Variants in RALGAPB observed in about 807,000 individuals in gnomAD.
RALGAPB encodes ral GTPase-activating protein subunit beta.
A neutral mutation model predicts 161.1 loss-of-function variants in RALGAPB; 25 were observed. The observed-to-expected ratio is 0.16, with a 90% CI of 0.11 to 0.22. The LOEUF is 0.22. Ranked by LOEUF, RALGAPB falls within the 10% of genes least tolerant of loss-of-function variation. RALGAPB has a pLI of 1.00. For missense variants in RALGAPB, 1,391 were observed against 1,815.2 expected, an observed-to-expected ratio of 0.77 and a Z score of 4.25; for synonymous variants, 629 against 626.1, an observed-to-expected ratio of 1.00 and a Z score of -0.07.
At chr20:38,477,843 A>G (rs2084852871) in intron 1 of RALGAPB, among the ~76,000 whole-genome samples, 1 of 152,156 alleles carries the variant, frequency 6.6e-6, no homozygotes. Flanking sequence ...ATGCCAGGTC[A>G]CCGAGTGCGG....
At chr20:38,553,031 A>G (rs2087431904) in intron 21 of RALGAPB, among the ~76,000 whole-genome samples, 1 of 152,142 alleles carries the variant, frequency 6.6e-6, no homozygotes, top group African/African-American at 2.4e-5. Flanking sequence ...GTGGGAAAGC[A>G]GGGGGAGGGA....
chr20:38,472,904 G>A lies in RALGAPB; in HGVS notation c.-196G>A. Reference sequence around the variant, plus strand: ...CTCGAGTGGCCTTCGTCGTCCCTTGGCGCCCTGGGAGAGTCGCTGACGGGT... The same window carrying A: ...CTCGAGTGGCCTTCGTCGTCCCTTGACGCCCTGGGAGAGTCGCTGACGGGT... On this transcript the variant is annotated 5_prime_UTR_variant, in exon 1 of 30. Coordinates refer to ENST00000262879, the MANE Select transcript of RALGAPB (RefSeq NM_020336.4). The A allele has an allele frequency of 2.5e-6, 1 of 398,956 alleles. No individual in the cohort carries two copies. The highest frequency in any genetic ancestry group is 4.4e-6 in the Non-Finnish European group (1 of 225,986). The allele number at this position is 398,956 out of a possible 1,614,324, so 24.7% of individuals were successfully genotyped here.
rs908310255 is a variant in RALGAPB, at chr20:38,555,474, A to G, written c.3372+1398A>G. Reference sequence around the variant, plus strand: ...GCAGAATAAAAGAGCAGAGAGAGGAAAATTATAAGAAACATAGTGGTAAAT... The same window carrying G: ...GCAGAATAAAAGAGCAGAGAGAGGAGAATTATAAGAAACATAGTGGTAAAT... On this transcript the variant is annotated intron_variant, in intron 22 of 29. Transcript: ENST00000262879. Among the ~76,000 whole-genome samples the G allele has an allele frequency of 2.6e-5, 4 of 152,376 alleles. No individual in the cohort carries two copies. In the East Asian group the frequency reaches 7.7e-4, roughly 29 times the overall value.
intron 18 of RALGAPB, among the ~76,000 whole-genome samples, chr20:38,541,911 G>C (rs1376848652): frequency 6.6e-6 from 1 of 152,180 alleles, no homozygotes; most frequent in African/African-American, 2.4e-5. Flanking sequence ...TACAGGGTGG[G>C]TAAAAAGGCA....
At chr20:38,491,305 C>T (rs902731969) in intron 2 of RALGAPB, among the ~76,000 whole-genome samples, 1 of 152,060 alleles carries the variant, frequency 6.6e-6, no homozygotes. Context: ...TTTGTGGTAT[C>T]TACAGATGAT....
chr20:38,517,455 A>G, intron 7 of RALGAPB, 51 bp from the exon 8 acceptor site: 2 of 1,496,796 alleles, frequency 1.3e-6, no homozygotes, highest in Non-Finnish European at 1.8e-6. Context: ...TTCTGATCAT[A>G]TATTTTGACC....
chr20:38,488,148 C>T (rs138282774), intron 1 of RALGAPB, among the ~76,000 whole-genome samples: 121 of 152,264 alleles, frequency 7.9e-4, no homozygotes, highest in African/African-American at 2.8e-3. Flanking sequence ...ACATTGCTTG[C>T]CTTTATTATG....
At chr20:38,535,300 G>C in intron 16 of RALGAPB, 93 bp downstream of exon 16, 1 of 1,402,014 alleles carries the variant, frequency 7.1e-7, no homozygotes, top group Non-Finnish European at 9.8e-7. Context: ...GTATTTTAGT[G>C]TTGATCATGC....
chr20:38,557,342 A>T (rs6026496), intron 22 of RALGAPB, among the ~76,000 whole-genome samples: 3,740 of 152,302 alleles, frequency 0.025, 52 homozygotes, highest in Non-Finnish European at 0.032. Context: ...GTTGTGACTG[A>T]TGAACCTGTA....
Position 38,548,551 on chromosome 20 carries a change from A to G in RALGAPB, c.2903-138A>G. 4.4e-6 allele frequency: 3 copies of G among 676,056 alleles called. No individual in the cohort carries two copies. In the South Asian group the frequency reaches 6.0e-5, roughly 13 times the overall value. 41.9% of individuals were successfully genotyped at this position (676,056 alleles called of 1,614,324 possible). ...CGGGTATGGGTACGGCAGAAACCAC[A>G]GAAGTGGTACACAAAAGATCAAAGC... On this transcript the variant is annotated intron_variant, in intron 19 of 29. Transcript: ENST00000262879.
At chr20:38,547,296 C>A (rs972969003) in intron 19 of RALGAPB, 2 of 151,980 alleles carry the variant, frequency 1.3e-5, no homozygotes, top group African/African-American at 4.8e-5. Flanking sequence ...GTTCTCAGAC[C>A]CTTATTGCTG....
At chr20:38,473,191 C>G (rs2084701495) in intron 1 of RALGAPB, 122 bp downstream of exon 1, 1 of 308,134 alleles carries the variant, frequency 3.2e-6, no homozygotes, top group South Asian at 1.6e-4. Context: ...AGGGGCCCGG[C>G]CTTTGGAAGC....
At position 38,516,050 on chromosome 20, in the gene RALGAPB, A is replaced by G. The variant is rs928743900; in HGVS notation, c.873-142A>G. 5 of 598,766 alleles carry G rather than the reference A, an allele frequency of 8.4e-6. No homozygotes were observed. The East Asian group carries it at 1.2e-4, about 15-fold the overall frequency. 37.1% of individuals were successfully genotyped at this position (598,766 alleles called of 1,614,324 possible). A position where few individuals can be genotyped will look rare whatever the true frequency, so the allele number is the denominator to read the frequency against. On this transcript the variant is annotated intron_variant, in intron 6 of 29. Transcript: ENST00000262879. ...TCTGTAAAGAAGTGTTGAGATTTGA[A>G]TCGCTGGCCCATTAAATACAAATCA...
chr20:38,514,435 A>G (rs2086066536), intron 6 of RALGAPB, among the ~76,000 whole-genome samples: 1 of 152,146 alleles, frequency 6.6e-6, no homozygotes, highest in Non-Finnish European at 1.5e-5. Flanking sequence ...CTCCAAAGGG[A>G]AAATTGGATC....
intron 6 of RALGAPB, among the ~76,000 whole-genome samples, chr20:38,512,884 T>C (rs2086005227): frequency 6.6e-6 from 1 of 152,122 alleles, no homozygotes; most frequent in Non-Finnish European, 1.5e-5. Context: ...CTCAGCCTCC[T>C]GAGTAGCTGG....
chr20:38,479,639 T>A (rs1323981995), intron 1 of RALGAPB, among the ~76,000 whole-genome samples: 1 of 152,198 alleles, frequency 6.6e-6, no homozygotes, highest in South Asian at 2.1e-4. Context: ...CTTCTTCCCC[T>A]TCTTCCCATT....
At position 38,546,322 on chromosome 20, in the gene RALGAPB, A is replaced by T. The variant is rs2087161582; in HGVS notation, c.2794A>T (p.Ile932Phe). The change falls in exon 19 of 30, where the codon ATT (isoleucine) becomes TTT (phenylalanine). Residue 932 changes from isoleucine (I) to phenylalanine (F), a missense_variant. Ile to Phe is a conservative substitution (Grantham distance 21, BLOSUM62 0). This residue lies in a region of RALGAPB where 946 missense variants were observed against 1,257.2 expected (regional missense o/e 0.75). Transcript: ENST00000262879. The part of the protein sequence containing the change: ...PCSLVNETTL[I>F]KYSRLPTINK... ...TAGTCTTGTGAATGAGACCACTTTG[A>T]TTAAATACTCCAGGCTGCCAACCAT... The T allele has an allele frequency of 6.2e-7, 1 of 1,614,000 alleles. No individual in the cohort carries two copies. The highest frequency in any genetic ancestry group is 1.1e-5 in the South Asian group (1 of 91,086).
chr20:38,551,440 G>T (rs2087372137), intron 21 of RALGAPB, among the ~76,000 whole-genome samples: 1 of 152,154 alleles, frequency 6.6e-6, no homozygotes, highest in Non-Finnish European at 1.5e-5. Flanking sequence ...CTGCCTGGCT[G>T]TTCGTGGTAG....
rs146346412 is a variant in RALGAPB, at chr20:38,482,216, A to G, written c.-30-6187A>G. On this transcript the variant is annotated intron_variant, in intron 1 of 29. Coordinates refer to ENST00000262879, the MANE Select transcript of RALGAPB (RefSeq NM_020336.4). ...TTTACTATTCATTAAGTGGTAGTGG[A>G]TCATAAAGGTCTTCATCCTCATCAT... 5.0e-4 allele frequency among the ~76,000 whole-genome samples: 76 copies of G among 152,268 alleles called. No homozygotes were observed. The East Asian group carries it at 0.014, about 28-fold the overall frequency.
Sources: allele counts gnomAD v4.1 joint callset (sites outside exome capture counted in the v4.1 genomes callset), GRCh38; gene constraint gnomAD v4.1.1; regional missense constraint gnomAD v4.1.1; transcripts MANE v1.5; gene names NCBI Gene and HGNC (gene_info 2026-07-23, HGNC 2026-07-21).